The following AGRN variants were observed in gnomAD, a reference collection of about 807,000 sequenced individuals.
The protein encoded by AGRN is agrin proteoglycan.
AGRN carries 106 observed loss-of-function variants against 211.0 expected under a neutral mutation model. The observed-to-expected ratio is 0.50, with a 90% CI of 0.43 to 0.59. The LOEUF is 0.59. Among genes scored for constraint, AGRN ranks in the 20% least tolerant of loss-of-function variants. The pLI is 0.00. For synonymous variants in AGRN, 1,525 were observed against 1,332.5 expected, an observed-to-expected ratio of 1.14 and a Z score of -3.15; for missense variants, 3,040 against 2,982.6, an observed-to-expected ratio of 1.02 and a Z score of -0.45.
chr1:1,041,640 G>T lies in AGRN; in HGVS notation c.1115G>T (p.Arg372Leu), dbSNP rs1285720068. 1 of 1,611,282 alleles carries T rather than the reference G, an allele frequency of 6.2e-7. No homozygotes were observed. Residue 372 changes from arginine to leucine, a missense_variant, in exon 6 of 36, where the codon CGA becomes CTA. By Grantham distance (102) the Arg-to-Leu change is moderately radical. Around this residue, in one of 3 missense-constraint regions of AGRN, gnomAD observed 1,498 missense variants for 1,457.8 expected, o/e 1.03. Coordinates refer to ENST00000379370, the MANE Select transcript of AGRN (RefSeq NM_198576.4). ...VTYENDCVMG[R>L]SGAARGLLLQ... ...TACGAAAACGACTGTGTCATGGGCC[G>T]ATCGGGGGCCGCCCGGGGTCTCCTC...
At chr1:1,035,440 G>A in intron 3 of AGRN, 116 bp downstream of exon 3, 2 of 1,384,426 alleles carry the variant, frequency 1.4e-6, no homozygotes, top group South Asian at 1.2e-5. Context: ...GGAGGAGGCT[G>A]GACAAGGGCA....
intron 33 of AGRN, chr1:1,052,128 A>G: frequency 7.8e-7 from 1 of 1,286,388 alleles, no homozygotes; most frequent in Non-Finnish European, 1.0e-6. Context: ...GTGGCGGAGG[A>G]TGGGGGTCCG....
chr1:1,024,424 G>A (rs1644475026), intron 2 of AGRN, among the ~76,000 whole-genome samples: 1 of 152,038 alleles, frequency 6.6e-6, no homozygotes, highest in Non-Finnish European at 1.5e-5. Context: ...GATGGATGGA[G>A]GGAGCTTGAG....
At chr1:1,024,877 G>A (rs1031854747) in intron 2 of AGRN, among the ~76,000 whole-genome samples, 3 of 152,204 alleles carry the variant, frequency 2.0e-5, no homozygotes, top group Admixed American at 6.5e-5. Context: ...GGGGAGGCCC[G>A]CTGCTCCCTC....
chr1:1,025,535 G>T (rs998732169), intron 2 of AGRN, among the ~76,000 whole-genome samples: 2 of 152,040 alleles, frequency 1.3e-5, no homozygotes, highest in African/African-American at 4.8e-5. Context: ...CCTGCCCAGG[G>T]CTCAGCTCCT....
At chr1:1,043,201 G>T in intron 7 of AGRN, 38 bp from the exon 8 acceptor site, 1 of 1,556,062 alleles carries the variant, frequency 6.4e-7, no homozygotes. Context: ...AGCGGAGGGG[G>T]GGCTTGTGGG....
rs1645414125 is a variant in AGRN, at chr1:1,054,960, G to A, written c.6117G>A (p.Leu2039=). ...AGGACGCCGTCACCAAGCCAGAGCT[G>A]CGGCCCTGCCCCACCCCATGAGCTG... ...LLEDAVTKPE[L]RPCPTP The change falls in exon 36 of 36, where the codon CTG becomes CTA. Residue 2039 remains leucine (L), a synonymous_variant. Coordinates refer to ENST00000379370, the MANE Select transcript of AGRN (RefSeq NM_198576.4). 3 of 1,548,744 alleles carry A rather than the reference G, an allele frequency of 1.9e-6. No homozygotes were observed. Among genetic ancestry groups the A allele is most frequent in the African/African-American group, 1.4e-5 (1 of 73,002 alleles).
At chr1:1,027,200 C>T (rs949148520) in intron 2 of AGRN, among the ~76,000 whole-genome samples, 5 of 152,204 alleles carry the variant, frequency 3.3e-5, no homozygotes, top group East Asian at 3.8e-4. Flanking sequence ...TACAGGCAGC[C>T]GGCTGTTTCC....
chr1:1,048,431 G>C lies in AGRN; in HGVS notation c.4105+66G>C. 1.7e-6 allele frequency: 2 copies of C among 1,178,606 alleles called. No individual in the cohort carries two copies. Among genetic ancestry groups the C allele is most frequent in the Non-Finnish European group, 2.3e-6 (2 of 863,404 alleles). 73.0% of individuals were successfully genotyped at this position (1,178,606 alleles called of 1,614,324 possible). On this transcript the variant is annotated intron_variant, in intron 23 of 35. Transcript: ENST00000379370. This position sits in a 1 kb window ranked among gnomAD's most constrained non-coding sequence, Gnocchi z 5.9. ...GGTGGGGGCAAGGATTGGGGGTGGG[G>C]CTAAGCCACCATCAGGCTTTGAGTT...
In AGRN at chr1:1,053,793, C is replaced by A; in HGVS notation, c.5692C>A (p.Arg1898Ser). 6.2e-7 allele frequency: 1 copy of A among 1,610,272 alleles called. No individual in the cohort carries two copies. Among genetic ancestry groups the A allele is most frequent in the Non-Finnish European group, 8.5e-7 (1 of 1,178,958 alleles). Residue 1898 changes from arginine (R) to serine (S), a missense_variant, in exon 34 of 36, where the codon CGC becomes AGC. By Grantham distance (110) the Arg-to-Ser change is moderately radical. This residue lies in a region of AGRN where 1,537 missense variants were observed against 1,505.0 expected (regional missense o/e 1.02). Transcript: ENST00000379370. ...LQSNHFELSL[R>S]TEATQGLVLW... Reference sequence around the variant, plus strand: ...GAGCAACCACTTTGAACTGAGCCTGCGCACTGAGGCCACGCAGGGGCTGGT... The same window carrying A: ...GAGCAACCACTTTGAACTGAGCCTGAGCACTGAGGCCACGCAGGGGCTGGT...
At position 1,041,339 on chromosome 1, in the gene AGRN, C is replaced by T. The variant is rs1251452652; in HGVS notation, c.894C>T (p.Leu298=). The change falls in exon 5 of 36, where the codon CTC becomes CTT. Residue 298 remains leucine, a synonymous_variant. Coordinates refer to ENST00000379370, the MANE Select transcript of AGRN (RefSeq NM_198576.4). ...DGADYPGECQ[L]LRRACARQEN... is the part of the protein sequence containing the mutation. Reference sequence around the variant, plus strand: ...CCGACTACCCCGGCGAGTGCCAGCTCCTGCGCCGCGCCTGCGCCCGCCAGG... The same window carrying T: ...CCGACTACCCCGGCGAGTGCCAGCTTCTGCGCCGCGCCTGCGCCCGCCAGG... 7.2e-6 allele frequency: 11 copies of T among 1,529,804 alleles called. No homozygotes were observed. In the Admixed American group the frequency reaches 1.8e-4, roughly 25 times the overall value. 94.8% of individuals were successfully genotyped at this position (1,529,804 alleles called of 1,614,324 possible).
At chr1:1,027,301 T>G (rs1347057624) in intron 2 of AGRN, among the ~76,000 whole-genome samples, 1 of 152,210 alleles carries the variant, frequency 6.6e-6, no homozygotes, top group Non-Finnish European at 1.5e-5. Flanking sequence ...TACCAGCCTG[T>G]GCACTTCAGA....
In AGRN at chr1:1,049,366, C is replaced by A. The variant is rs757439560; in HGVS notation, c.4429C>A (p.Leu1477Met). The A allele has an allele frequency of 6.3e-7, 1 of 1,598,566 alleles. No individual in the cohort carries two copies. Residue 1477 changes from leucine to methionine, a missense_variant, in exon 25 of 36, where the codon CTG (leucine) becomes ATG (methionine). Around this residue, in one of 3 missense-constraint regions of AGRN, gnomAD observed 1,537 missense variants for 1,505.0 expected, o/e 1.02. Coordinates refer to ENST00000379370, the MANE Select transcript of AGRN (RefSeq NM_198576.4). ...CTCGGTGGATGGTGAGACCCCTGTT[C>A]TGGGCGAGAGTCCCAGTGGCACCGA... ...TLSVDGETPV[L>M]GESPSGTDGL...
At chr1:1,052,488 ATG>A (rs1410754769) in intron 33 of AGRN, 1 of 261,224 alleles carries the variant, frequency 3.8e-6, no homozygotes, top group African/African-American at 2.3e-5. Flanking sequence ...GTGTGTGTAT[ATG>A]AGGGAGACAT....
Position 1,045,719 on chromosome 1 carries a change from G to C in AGRN, c.2537-14G>C, listed in dbSNP as rs201785619. ...AGGTGCGGACATCACGTTCCTCCCC[G>C]ATTTTCCCCAAAGCCTGCAGCTGTG... On this transcript the variant is annotated splice_polypyrimidine_tract_variant and intron_variant, in intron 14 of 35. Coordinates refer to ENST00000379370, the MANE Select transcript of AGRN (RefSeq NM_198576.4). 1.2e-6 allele frequency: 2 copies of C among 1,613,276 alleles called. No homozygotes were observed. Among genetic ancestry groups the C allele is most frequent in the East Asian group, 4.5e-5 (2 of 44,876 alleles).
chr1:1,052,138 G>A (rs1050580889), intron 33 of AGRN: 49 of 1,210,982 alleles, frequency 4.0e-5, no homozygotes, highest in Admixed American at 1.6e-4. Flanking sequence ...ATGGGGGTCC[G>A]GCGCTATTTG....
Position 1,048,620 on chromosome 1 carries a change from AT to A in AGRN, c.4106-245del, listed in dbSNP as rs1438222847. 2 of 590,898 alleles carry A rather than the reference AT, an allele frequency of 3.4e-6. No homozygotes were observed. Among genetic ancestry groups the A allele is most frequent in the Non-Finnish European group, 5.8e-6 (2 of 342,518 alleles). 36.6% of individuals were successfully genotyped at this position (590,898 alleles called of 1,614,324 possible). On this transcript the variant is annotated intron_variant, in intron 23 of 35. Coordinates refer to ENST00000379370, the MANE Select transcript of AGRN (RefSeq NM_198576.4). The surrounding 1 kb of genome is among the most constrained non-coding windows in gnomAD (Gnocchi z 5.9). ...ACTCTGTCTCTACTAAAAATACAAA[AT>A]TAGCCGGGCGTGGTGGTGGGCGCCT...
intron 7 of AGRN, among the ~76,000 whole-genome samples, chr1:1,042,452 C>T (rs1644970729): frequency 6.6e-6 from 1 of 152,302 alleles, no homozygotes; most frequent in African/African-American, 2.4e-5. Flanking sequence ...GCTGTAAGCA[C>T]AGGCTGTTGG....
chr1:1,045,813 G>A lies in AGRN; in HGVS notation c.2617G>A (p.Ala873Thr). The A allele has an allele frequency of 6.2e-7, 1 of 1,612,930 alleles. No individual in the cohort carries two copies. Among genetic ancestry groups the A allele is most frequent in the Non-Finnish European group, 8.5e-7 (1 of 1,179,936 alleles). The change falls in exon 15 of 36, where the codon GCT becomes ACT. Residue 873 changes from alanine to threonine, a missense_variant. Physicochemically the swap from Ala to Thr is moderately conservative, Grantham distance 58. Around this residue, in one of 3 missense-constraint regions of AGRN, gnomAD observed 1,498 missense variants for 1,457.8 expected, o/e 1.03. Transcript: ENST00000379370. ...GCTGTGCTCGTGTAAGCCCGGGGTG[G>A]CTGGACCCAAGTGTGGGCAGTGTCC... ...TGLCSCKPGV[A>T]GPKCGQCPDG...
Sources: gnomAD v4.1 joint callset for allele counts (sites outside exome capture counted in the v4.1 genomes callset) on GRCh38, gnomAD v4.1.1 for gene constraint, gnomAD v4.1.1 regional missense constraint, Gnocchi (gnomAD v3.1) non-coding constraint, MANE v1.5 for transcripts, NCBI Gene and HGNC (gene_info 2026-07-23, HGNC 2026-07-21) for gene names.